Variants in ADGRL2 observed in about 807,000 individuals in gnomAD.
The protein encoded by ADGRL2 is calcium-independent alpha-latrotoxin receptor 2.
A neutral mutation model predicts 157.4 loss-of-function variants in ADGRL2; 44 were observed. That is an observed-to-expected ratio of 0.28 (90% CI 0.22 to 0.36). The LOEUF is 0.36. ADGRL2 is among the 10% of genes least tolerant of loss of function. The pLI, the probability that ADGRL2 is intolerant of heterozygous loss-of-function variation, is 1.00. For synonymous variants in ADGRL2, 585 were observed against 624.7 expected (o/e 0.94, Z 0.95); for missense variants, 1,510 against 1,768.9 (o/e 0.85, Z 2.63).
chr1:81,504,195 GC>G (rs1337560499), intron 2 of ADGRL2, among the ~76,000 whole-genome samples: 2 of 151,996 alleles, frequency 1.3e-5, no homozygotes, highest in East Asian at 2.0e-4. Context: ...TTCTCTGGCC[GC>G]CCCCCCAAAC....
At chr1:81,515,957 T>C (rs2079168511) in intron 2 of ADGRL2, among the ~76,000 whole-genome samples, 1 of 152,200 alleles carries the variant, frequency 6.6e-6, no homozygotes, top group African/African-American at 2.4e-5. Flanking sequence ...AATATAATTA[T>C]TCAAATGACT....
upstream of ADGRL2, chr1:81,800,424 T>A (rs969878214): frequency 2.6e-5 from 4 of 151,984 alleles, no homozygotes; most frequent in African/African-American, 4.8e-5. Context: ...TTCTCCTCCA[T>A]GCAGTTACAC....
intron 2 of ADGRL2, among the ~76,000 whole-genome samples, chr1:81,521,932 A>G (rs1187113616): frequency 2.0e-5 from 3 of 151,910 alleles, no homozygotes; most frequent in Admixed American, 2.0e-4. Flanking sequence ...TGGCATTCAA[A>G]TGAGATACAT....
chr1:81,394,882 T>A (rs1451873101), intron 1 of ADGRL2, among the ~76,000 whole-genome samples: 1 of 39,736 alleles, frequency 2.5e-5, no homozygotes, highest in African/African-American at 6.6e-5. Context: ...CTCTCTTTTT[T>A]ATTTATTTAT....
At chr1:81,656,325 C>A (rs545118085) in intron 3 of ADGRL2, among the ~76,000 whole-genome samples, 32 of 152,294 alleles carry the variant, frequency 2.1e-4, no homozygotes, top group African/African-American at 7.2e-4. Context: ...ACCTACCTCA[C>A]TGAAGTTAAG....
chr1:81,482,468 A>G (rs2078410506), intron 2 of ADGRL2, among the ~76,000 whole-genome samples: 1 of 14,636 alleles, frequency 6.8e-5, no homozygotes, highest in Non-Finnish European at 2.7e-4. Context: ...TAAGGCGAAT[A>G]GCTATTGATA....
chr1:81,563,964 A>G (rs2080502528), intron 2 of ADGRL2, among the ~76,000 whole-genome samples: 1 of 152,228 alleles, frequency 6.6e-6, no homozygotes, highest in Non-Finnish European at 1.5e-5. Context: ...AGTTTAGTGT[A>G]GGTAGATTCT....
chr1:81,350,492 G>T (rs1221332682), intron 1 of ADGRL2, among the ~76,000 whole-genome samples: 1 of 152,140 alleles, frequency 6.6e-6, no homozygotes, highest in Non-Finnish European at 1.5e-5. Flanking sequence ...GCTAAGATTT[G>T]AATCTGAAGA....
At chr1:81,584,681 G>C (rs2080987668) in intron 3 of ADGRL2, among the ~76,000 whole-genome samples, 1 of 152,094 alleles carries the variant, frequency 6.6e-6, no homozygotes, top group Non-Finnish European at 1.5e-5. Flanking sequence ...GTGTTGAAAT[G>C]GCCTGTCATA....
intron 2 of ADGRL2, among the ~76,000 whole-genome samples, chr1:81,860,297 C>T (rs1372214435): frequency 3.3e-5 from 5 of 152,028 alleles, no homozygotes; most frequent in Non-Finnish European, 5.9e-5. Flanking sequence ...CAGGTAATTC[C>T]TTTGAATTAT....
chr1:81,910,099 G>T (rs903827540), intron 3 of ADGRL2, among the ~76,000 whole-genome samples: 1 of 151,872 alleles, frequency 6.6e-6, no homozygotes, highest in Non-Finnish European at 1.5e-5. Context: ...GATTAGCCAG[G>T]CGTGGTGGCA....
chr1:81,645,416 A>AAAATT (rs2082296031), intron 3 of ADGRL2, among the ~76,000 whole-genome samples: 1 of 146,710 alleles, frequency 6.8e-6, no homozygotes, highest in Non-Finnish European at 1.5e-5. Flanking sequence ...AAAAAAAAAA[A>AAAATT]AAATTAAATT....
chr1:81,593,513 T>C (rs526674), intron 3 of ADGRL2, among the ~76,000 whole-genome samples: 129,591 of 152,196 alleles, frequency 0.85, 55,284 homozygotes, highest in African/African-American at 0.89. Flanking sequence ...GTACACTGAG[T>C]GTTGGCTTGA....
rs1204715266 is a variant in ADGRL2 at position 81,872,178 on chromosome 1, A to G, written c.74-34839A>G. Among the ~76,000 whole-genome samples, 4 of 152,182 alleles carry G rather than the reference A, an allele frequency of 2.6e-5. No homozygotes were observed. The South Asian group carries it at 8.3e-4, about 31-fold the overall frequency. Reference sequence around the variant, plus strand: ...CTAGCCAGTTTTCCCAGCACCATTTATTAAATAGGGAATCTTTTCTCCATT... The same window carrying G: ...CTAGCCAGTTTTCCCAGCACCATTTGTTAAATAGGGAATCTTTTCTCCATT... On this transcript the variant is annotated intron_variant, in intron 2 of 23. Coordinates refer to ENST00000686636, the MANE Select transcript of ADGRL2 (RefSeq NM_001366006.2).
At position 81,614,089 on chromosome 1, in the gene ADGRL2, C is replaced by T. The variant is rs771310685; in HGVS notation, c.-143+33109C>T. Among the ~76,000 whole-genome samples, 6 of 152,262 alleles carry T rather than the reference C, an allele frequency of 3.9e-5. No individual in the cohort carries two copies. In the East Asian group the frequency reaches 5.8e-4, roughly 15 times the overall value. ...CTGAACACTTCCACTTAGTTCAATA[C>T]GGCAATTGTTATTGGCATAATACCT... On this transcript the variant is annotated intron_variant, in intron 3 of 24. Coordinates refer to the ADGRL2 transcript ENST00000370721.
chr1:81,974,594 G>T, intron 17 of ADGRL2, among the ~76,000 whole-genome samples: 1 of 152,212 alleles, frequency 6.6e-6, no homozygotes, highest in East Asian at 1.9e-4. Context: ...GGGTCAGAAC[G>T]TGCACAGTTC....
intron 1 of ADGRL2, among the ~76,000 whole-genome samples, chr1:81,731,349 A>C (rs939760533): frequency 6.6e-6 from 1 of 152,078 alleles, no homozygotes; most frequent in East Asian, 1.9e-4. Context: ...CTGGCTTTCT[A>C]ATCTATCAAT....
At chr1:81,447,920 A>G (rs1232542036) in intron 2 of ADGRL2, among the ~76,000 whole-genome samples, 2 of 151,816 alleles carry the variant, frequency 1.3e-5, no homozygotes, top group Non-Finnish European at 2.9e-5. Context: ...TGTTCTCCTG[A>G]TAACAGTTCT....
chr1:81,721,748 C>A, intron 1 of ADGRL2: 1 of 1,425,828 alleles, frequency 7.0e-7, no homozygotes, highest in South Asian at 1.1e-5. Context: ...TAAGCAGGAT[C>A]CGAGCATTCT....
Sources: gnomAD v4.1 joint callset for allele counts (sites outside exome capture counted in the v4.1 genomes callset) on GRCh38, gnomAD v4.1.1 for gene constraint, MANE v1.5 for transcripts, NCBI Gene and HGNC (gene_info 2026-07-23, HGNC 2026-07-21) for gene names.